Variants in DMD observed in about 807,000 individuals in gnomAD.
DMD encodes the protein mutant dystrophin.
In DMD, 63 loss-of-function variants were observed where a neutral mutation model predicts 330.1. The observed-to-expected ratio is 0.19, with a 90% CI of 0.16 to 0.24. The LOEUF is 0.24. Among genes scored for constraint, DMD ranks in the 10% least tolerant of loss-of-function variants. The pLI, the probability that DMD is intolerant of heterozygous loss-of-function variation, is 1.00. For synonymous variants in DMD, 1,223 were observed against 959.8 expected (o/e 1.27, Z -5.07); for missense variants, 3,344 against 2,684.1 (o/e 1.25, Z -5.43).
chrX:32,710,741 G>A (rs907093543), intron 7 of DMD, among the ~76,000 whole-genome samples: 3 of 110,785 alleles, frequency 2.7e-5, no homozygotes, highest in Non-Finnish European at 3.8e-5. Context: ...TTAGAACTTT[G>A]GAAGCATAGC....
chrX:32,404,069 T>C lies in DMD; in HGVS notation c.4233+7683A>G, dbSNP rs772802201. On this transcript the variant is annotated intron_variant, in intron 30 of 78. Coordinates refer to ENST00000357033, the MANE Select transcript of DMD (RefSeq NM_004006.3). The stretch of plus-strand genomic sequence containing the variant: ...CAGTTATATCTTTATTTTTAAGCCA[T>C]TGATTTTGATAGCTTGGAATGTTAA... Among the ~76,000 whole-genome samples the C allele has an allele frequency of 8.0e-5, 9 of 112,394 alleles. 1 individual carries two copies. The South Asian group carries it at 1.5e-3, about 18-fold the overall frequency.
intron 18 of DMD, among the ~76,000 whole-genome samples, chrX:32,507,097 T>C (rs1453246019): frequency 9.0e-6 from 1 of 111,457 alleles, no homozygotes; most frequent in Non-Finnish European, 1.9e-5. Flanking sequence ...GGAGAAAAAA[T>C]AAGCACATTT....
At chrX:31,380,482 A>C (rs2060120089) in intron 60 of DMD, among the ~76,000 whole-genome samples, 1 of 110,548 alleles carries the variant, frequency 9.0e-6, no homozygotes, top group Admixed American at 9.7e-5. Context: ...ACTCCGCTCA[A>C]TGCCAACATC....
At chrX:32,954,687 C>T (rs1016887745) in intron 2 of DMD, among the ~76,000 whole-genome samples, 1 of 110,615 alleles carries the variant, frequency 9.0e-6, no homozygotes, top group Non-Finnish European at 1.9e-5. Context: ...TCCTCTCCCT[C>T]CTCCCACCCT....
At chrX:32,935,128 G>C (rs1024424351) in intron 2 of DMD, among the ~76,000 whole-genome samples, 3 of 112,209 alleles carry the variant, frequency 2.7e-5, no homozygotes, top group African/African-American at 9.7e-5. Context: ...ACAGGCGCCC[G>C]CCACCACGCC....
chrX:31,169,077 A>G (rs16989417), intron 74 of DMD, among the ~76,000 whole-genome samples: 11,933 of 111,323 alleles, frequency 0.11, 1,144 homozygotes, highest in African/African-American at 0.29. Flanking sequence ...GAGGTAGATA[A>G]TATGGCCAAA....
chrX:32,997,266 A>G (rs191799372), intron 2 of DMD, among the ~76,000 whole-genome samples: 6,056 of 102,160 alleles, frequency 0.059, 176 homozygotes, highest in Non-Finnish European at 0.089. Flanking sequence ...TTTTTTTGAG[A>G]TGGAGTCTCG....
chrX:31,861,723 G>T (rs2093704675), intron 48 of DMD, among the ~76,000 whole-genome samples: 1 of 84,951 alleles, frequency 1.2e-5, no homozygotes, highest in Non-Finnish European at 2.3e-5. Flanking sequence ...ATAAGGGAGG[G>T]AGAAGAGTGC....
chrX:31,633,434 A>T (rs1353085935), intron 54 of DMD, among the ~76,000 whole-genome samples: 1 of 111,799 alleles, frequency 8.9e-6, no homozygotes. Context: ...TCATCCATGC[A>T]TCCATTCCGT....
intron 51 of DMD, among the ~76,000 whole-genome samples, chrX:31,740,185 A>G (rs1244022970): frequency 8.9e-6 from 1 of 112,274 alleles, no homozygotes; most frequent in Non-Finnish European, 1.9e-5. Context: ...ATGATTTGCA[A>G]ACGCATTTCT....
intron 51 of DMD, among the ~76,000 whole-genome samples, chrX:31,763,783 C>G (rs894335189): frequency 6.2e-5 from 7 of 112,198 alleles, no homozygotes; most frequent in Admixed American, 3.8e-4. Flanking sequence ...TCAGAACTCA[C>G]ACCTTGAATG....
intron 1 of DMD, among the ~76,000 whole-genome samples, chrX:33,330,470 G>GAAGCTGAAAT (rs1407165306): frequency 9.0e-6 from 1 of 111,614 alleles, no homozygotes; most frequent in Non-Finnish European, 1.9e-5. Context: ...AACATTTTCA[G>GAAGCTGAAAT]GTAGCTTCTA....
intron 7 of DMD, among the ~76,000 whole-genome samples, chrX:32,713,236 G>T (rs902389383): frequency 6.3e-5 from 7 of 111,508 alleles, no homozygotes; most frequent in African/African-American, 2.3e-4. Context: ...TACCATTCAT[G>T]TGATTTATGT....
intron 62 of DMD, among the ~76,000 whole-genome samples, chrX:31,285,561 A>G (rs1319324604): frequency 8.9e-6 from 1 of 112,306 alleles, no homozygotes; most frequent in Admixed American, 9.5e-5. Flanking sequence ...TCACAGTCTT[A>G]AAATGAGGAT....
At chrX:32,073,934 T>A (rs1192152704) in intron 44 of DMD, among the ~76,000 whole-genome samples, 1 of 111,476 alleles carries the variant, frequency 9.0e-6, no homozygotes, top group Admixed American at 9.6e-5. Flanking sequence ...AAGTATTAAT[T>A]AGTAAAATAG....
intron 1 of DMD, among the ~76,000 whole-genome samples, chrX:33,108,794 A>G (rs1399512392): frequency 4.2e-5 from 4 of 96,166 alleles, no homozygotes; most frequent in African/African-American, 1.5e-4. Context: ...TGAACCTGGG[A>G]GGTGGAGGTT....
At chrX:33,306,076 T>G (rs181246786) in intron 1 of DMD, among the ~76,000 whole-genome samples, 23 of 111,932 alleles carry the variant, frequency 2.1e-4, no homozygotes, top group African/African-American at 7.5e-4. Context: ...GGATAGGTAT[T>G]TCTGACTGGC....
chrX:32,241,379 T>C (rs1368020319), intron 43 of DMD, among the ~76,000 whole-genome samples: 2 of 112,704 alleles, frequency 1.8e-5, no homozygotes, highest in African/African-American at 3.2e-5. Flanking sequence ...AGCAAGGCTA[T>C]GTCTTTATTC....
At chrX:32,988,971 G>A (rs2092914032) in intron 2 of DMD, among the ~76,000 whole-genome samples, 1 of 111,311 alleles carries the variant, frequency 9.0e-6, no homozygotes, top group South Asian at 3.7e-4. Flanking sequence ...TTAAACTGTT[G>A]TGTATTAGGA....
Sources: gnomAD v4.1 joint callset for allele counts (sites outside exome capture counted in the v4.1 genomes callset) on GRCh38, gnomAD v4.1.1 for gene constraint, MANE v1.5 for transcripts, NCBI Gene and HGNC (gene_info 2026-07-23, HGNC 2026-07-21) for gene names.